The following KIAA1217 variants were observed in gnomAD, a reference collection of about 807,000 sequenced individuals.
KIAA1217 encodes the protein KIAA1217, also known as sickle tail protein homolog.
In KIAA1217, 88 loss-of-function variants were observed where a neutral mutation model predicts 163.9. The ratio of observed to expected loss-of-function variants is 0.54; its 90% CI spans 0.45 to 0.64. The LOEUF (loss-of-function observed/expected upper bound fraction) is 0.64. KIAA1217 is among the 30% of genes least tolerant of loss of function. The pLI is 0.00. For synonymous variants in KIAA1217, 903 were observed against 923.1 expected (o/e 0.98, Z 0.39); for missense variants, 2,372 against 2,475.0 (o/e 0.96, Z 0.88).
At chr10:23,927,158 C>T (rs963808547) in intron 1 of KIAA1217, among the ~76,000 whole-genome samples, 2 of 152,116 alleles carry the variant, frequency 1.3e-5, no homozygotes, top group Non-Finnish European at 2.9e-5. Flanking sequence ...CCTCCCACCT[C>T]AGCCTCCCAA....
At chr10:24,047,044 A>C (rs1459601789) in intron 2 of KIAA1217, among the ~76,000 whole-genome samples, 2 of 152,234 alleles carry the variant, frequency 1.3e-5, no homozygotes, top group Admixed American at 6.5e-5. Flanking sequence ...ATTGTATCTT[A>C]AACAAAACAA....
At chr10:24,356,623 C>G (rs1215326333) in intron 2 of KIAA1217, among the ~76,000 whole-genome samples, 1 of 152,184 alleles carries the variant, frequency 6.6e-6, no homozygotes, top group Non-Finnish European at 1.5e-5. Flanking sequence ...GCACAACCCA[C>G]AGGAATGAAT....
chr10:23,949,139 A>G (rs1167097323), intron 1 of KIAA1217, among the ~76,000 whole-genome samples: 1 of 152,228 alleles, frequency 6.6e-6, no homozygotes, highest in African/African-American at 2.4e-5. Context: ...ATTGATTCAT[A>G]TGATCCTCCC....
At chr10:24,424,035 A>T (rs113983002) in intron 3 of KIAA1217, among the ~76,000 whole-genome samples, 11 of 152,214 alleles carry the variant, frequency 7.2e-5, no homozygotes, top group African/African-American at 2.7e-4. Context: ...AATTCAAGAT[A>T]AAAACAGTGA....
At chr10:24,261,015 G>A (rs1296089856) in intron 2 of KIAA1217, among the ~76,000 whole-genome samples, 2 of 152,186 alleles carry the variant, frequency 1.3e-5, no homozygotes, top group Non-Finnish European at 2.9e-5. Flanking sequence ...CCCAGTTACA[G>A]AGCTATGTGA....
chr10:23,944,519 A>C (rs1030069966), intron 1 of KIAA1217, among the ~76,000 whole-genome samples: 3 of 152,198 alleles, frequency 2.0e-5, no homozygotes, highest in African/African-American at 4.8e-5. Context: ...ACAGTTGAAA[A>C]ATACTTGAGC....
At position 23,696,578 on chromosome 10, in the gene KIAA1217, C is replaced by T. The variant is rs144965961; in HGVS notation, c.-321+1344C>T. 7.2e-5 allele frequency among the ~76,000 whole-genome samples: 11 copies of T among 152,330 alleles called. No individual in the cohort carries two copies. The East Asian group carries it at 2.1e-3, about 29-fold the overall frequency. ...GGGGCCCAACTATGTATGTGCCAGA[C>T]ATTGTGCTAGATGCTCCTGCAACAG... is the stretch of plus-strand genomic sequence containing the variant. On this transcript the variant is annotated intron_variant, in intron 1 of 18. Coordinates refer to the KIAA1217 transcript ENST00000376462.
upstream of KIAA1217, among the ~76,000 whole-genome samples, chr10:24,206,128 T>C (rs1408701546): frequency 1.3e-5 from 2 of 152,210 alleles, no homozygotes; most frequent in Admixed American, 6.5e-5. Context: ...CCTTTCCCTG[T>C]TAACAGAAAC....
At chr10:24,279,425 A>C (rs1195700249) in intron 2 of KIAA1217, among the ~76,000 whole-genome samples, 2 of 151,990 alleles carry the variant, frequency 1.3e-5, no homozygotes, top group African/African-American at 4.8e-5. Context: ...TAAAATCTAC[A>C]ATATTGCTCA....
At chr10:24,288,601 A>G (rs1183027883) in intron 2 of KIAA1217, among the ~76,000 whole-genome samples, 1 of 152,206 alleles carries the variant, frequency 6.6e-6, no homozygotes, top group Non-Finnish European at 1.5e-5. Context: ...ATACAAGGAG[A>G]CCAGAGAAAC....
chr10:24,218,710 C>T (rs916382888), intron 1 of KIAA1217, among the ~76,000 whole-genome samples: 1 of 152,026 alleles, frequency 6.6e-6, no homozygotes, highest in Middle Eastern at 3.2e-3. Context: ...AGGATGGTCT[C>T]GATCTCCTGA....
chr10:23,860,445 C>G (rs1388924975), intron 1 of KIAA1217, among the ~76,000 whole-genome samples: 1 of 151,874 alleles, frequency 6.6e-6, no homozygotes, highest in Non-Finnish European at 1.5e-5. Context: ...TTCCCTTGCC[C>G]CATGTAAAAG....
At chr10:24,355,933 G>A (rs2049049681) in intron 2 of KIAA1217, among the ~76,000 whole-genome samples, 1 of 151,004 alleles carries the variant, frequency 6.6e-6, no homozygotes, top group South Asian at 2.1e-4. Flanking sequence ...ATTTTTAGTA[G>A]AGACGGGATT....
At chr10:24,078,897 G>A (rs752694299) in intron 2 of KIAA1217, among the ~76,000 whole-genome samples, 10 of 152,210 alleles carry the variant, frequency 6.6e-5, no homozygotes, top group Non-Finnish European at 1.0e-4. Flanking sequence ...TTAAACCAGC[G>A]CAAGTGGTTC....
chr10:24,102,812 G>T (rs2062468986), intron 2 of KIAA1217, among the ~76,000 whole-genome samples: 1 of 152,306 alleles, frequency 6.6e-6, no homozygotes, highest in South Asian at 2.1e-4. Flanking sequence ...GTTTGGCTGT[G>T]TCCCTACCCA....
intron 6 of KIAA1217, among the ~76,000 whole-genome samples, chr10:24,484,241 A>ATATATATATTTTTTTTTTTTTT (rs1376083298): frequency 4.0e-5 from 3 of 75,158 alleles, no homozygotes; most frequent in Non-Finnish European, 5.0e-5. Flanking sequence ...ATATATATAT[A>ATATATATATTTTTTTTTTTTTT]TTTTTTTTTT....
At chr10:24,006,506 A>G (rs1847004421) in intron 1 of KIAA1217, among the ~76,000 whole-genome samples, 1 of 152,156 alleles carries the variant, frequency 6.6e-6, no homozygotes, top group African/African-American at 2.4e-5. Flanking sequence ...CACAGCATAG[A>G]AATCTACCAA....
chr10:23,813,110 G>C (rs1837150556), intron 1 of KIAA1217, among the ~76,000 whole-genome samples: 1 of 152,084 alleles, frequency 6.6e-6, no homozygotes, highest in Admixed American at 6.5e-5. Flanking sequence ...GTTATTATCT[G>C]ACTTTTTGAT....
At chr10:23,915,937 G>A (rs1369607385) in intron 1 of KIAA1217, among the ~76,000 whole-genome samples, 2 of 152,162 alleles carry the variant, frequency 1.3e-5, no homozygotes, top group Non-Finnish European at 2.9e-5. Flanking sequence ...TTAGGAGGTG[G>A]AAATTCTTTT....
Sources: allele counts gnomAD v4.1 joint callset (sites outside exome capture counted in the v4.1 genomes callset), GRCh38; gene constraint gnomAD v4.1.1; transcripts MANE v1.5; gene names NCBI Gene and HGNC (gene_info 2026-07-23, HGNC 2026-07-21).